The following SLC14A2 variants were observed in gnomAD, a reference collection of about 807,000 sequenced individuals.
The protein encoded by SLC14A2 is solute carrier family 14 member 2.
Under a neutral mutation model 104.6 loss-of-function variants are expected in SLC14A2, and 91 were observed. That is an observed-to-expected ratio of 0.87 (90% CI 0.73 to 1.04). The LOEUF (loss-of-function observed/expected upper bound fraction) is 1.04. SLC14A2 is among the 50% of genes least tolerant of loss of function. The pLI is 0.00. For synonymous variants in SLC14A2, 476 were observed against 466.4 expected, an observed-to-expected ratio of 1.02 and a Z score of -0.27; for missense variants, 1,189 against 1,156.0, an observed-to-expected ratio of 1.03 and a Z score of -0.41.
intron 1 of SLC14A2, among the ~76,000 whole-genome samples, chr18:45,226,266 C>A (rs1419964676): frequency 1.3e-5 from 2 of 152,136 alleles, no homozygotes; most frequent in Non-Finnish European, 2.9e-5. Context: ...TGTGGTGATT[C>A]CTCAAGGATC....
chr18:45,261,983 A>G (rs2144100805), intron 1 of SLC14A2, among the ~76,000 whole-genome samples: 1 of 152,296 alleles, frequency 6.6e-6, no homozygotes, highest in East Asian at 1.9e-4. Flanking sequence ...GAATCGCCCC[A>G]CTGACTTCCA....
At chr18:45,628,342 G>T (rs1333095904) in intron 4 of SLC14A2, among the ~76,000 whole-genome samples, 1 of 151,650 alleles carries the variant, frequency 6.6e-6, no homozygotes, top group Non-Finnish European at 1.5e-5. Context: ...TACTTGGGAG[G>T]CTGAGGCAGG....
At chr18:45,428,185 C>T (rs1157281258) in intron 1 of SLC14A2, among the ~76,000 whole-genome samples, 2 of 152,132 alleles carry the variant, frequency 1.3e-5, no homozygotes, top group Admixed American at 1.3e-4. Flanking sequence ...GTCATTGAAC[C>T]CAAGGAGCCC....
At chr18:45,531,960 C>T (rs1444976918) in intron 2 of SLC14A2, among the ~76,000 whole-genome samples, 2 of 152,130 alleles carry the variant, frequency 1.3e-5, no homozygotes, top group Non-Finnish European at 2.9e-5. Context: ...AATAGGGAAT[C>T]CTTTCCCCAT....
Position 45,626,989 on chromosome 18 carries a change from G to C in SLC14A2, c.363G>C (p.Trp121Cys), listed in dbSNP as rs1430230566. 2.5e-6 allele frequency: 4 copies of C among 1,612,248 alleles called. No individual in the cohort carries two copies. The African/African-American group carries it at 4.0e-5, about 16-fold the overall frequency. ...ACCTTGCCCTCCAGTTCATAGACTG[G>C]GTCCTGAGAGGGACCGCTCAGGTGA... ...DKHLALQFID[W>C]VLRGTAQVMF... Residue 121 changes from tryptophan to cysteine, a missense_variant, in exon 4 of 20, where the codon TGG (tryptophan) becomes TGC (cysteine). Physicochemically the swap from Trp to Cys is radical, Grantham distance 215 (BLOSUM62 -2). Transcript: ENST00000255226.
chr18:45,338,692 A>AAC (rs1255022911), intron 1 of SLC14A2, among the ~76,000 whole-genome samples: 1 of 115,884 alleles, frequency 8.6e-6, no homozygotes, highest in Non-Finnish European at 2.1e-5. Context: ...CAAAAAAAAA[A>AAC]AAAAAAAAAA....
At chr18:45,641,178 T>C in intron 7 of SLC14A2, 31 bp from the exon 8 acceptor site, 1 of 1,609,532 alleles carries the variant, frequency 6.2e-7, no homozygotes, top group Non-Finnish European at 8.5e-7. Flanking sequence ...TGGCCCAGAA[T>C]CAGACAGAAA....
At chr18:45,645,453 T>C (rs1568311979) in intron 10 of SLC14A2, among the ~76,000 whole-genome samples, 2 of 151,888 alleles carry the variant, frequency 1.3e-5, no homozygotes, top group African/African-American at 4.8e-5. Context: ...GCTTGGGAAA[T>C]TTACTTCATT....
At chr18:45,559,155 A>G (rs1364490381) in intron 2 of SLC14A2, among the ~76,000 whole-genome samples, 2 of 152,132 alleles carry the variant, frequency 1.3e-5, no homozygotes, top group African/African-American at 4.8e-5. Context: ...GCTAAACTCA[A>G]TCAGTTCTCT....
intron 1 of SLC14A2, among the ~76,000 whole-genome samples, chr18:45,400,994 G>T (rs537379773): frequency 5.9e-5 from 9 of 152,254 alleles, no homozygotes; most frequent in African/African-American, 1.9e-4. Flanking sequence ...TCTGTAGTCA[G>T]CCATTTCCCA....
rs60728655 is a variant in SLC14A2 at position 45,618,669 on chromosome 18, C to CAAAA, written c.-35+3113_-35+3116dup. Among the ~76,000 whole-genome samples, 104 of 50,586 alleles carry CAAAA rather than the reference C, an allele frequency of 2.1e-3. 1 individual carries two copies. The highest frequency in any genetic ancestry group is 2.6e-3 in the Non-Finnish European group (68 of 26,608). 33.2% of individuals were successfully genotyped at this position (50,586 alleles called of 152,430 possible). ...GGGTGACAAGAGCGAAACTCTGTCT[C>CAAAA]AAAAAAAAAAAAAAAAAAAAAAAAA... On this transcript the variant is annotated intron_variant, in intron 1 of 19. Coordinates refer to ENST00000255226, the MANE Select transcript of SLC14A2 (RefSeq NM_007163.4).
At chr18:45,412,988 T>C (rs1262810422) in intron 1 of SLC14A2, among the ~76,000 whole-genome samples, 1 of 152,220 alleles carries the variant, frequency 6.6e-6, no homozygotes, top group Non-Finnish European at 1.5e-5. Context: ...TTTCAAAGAA[T>C]CTGGTTTCTT....
At chr18:45,402,427 T>C (rs1008862303) in intron 1 of SLC14A2, among the ~76,000 whole-genome samples, 2 of 152,264 alleles carry the variant, frequency 1.3e-5, no homozygotes, top group African/African-American at 4.8e-5. Flanking sequence ...TCATTATTAC[T>C]CTACATCTTT....
the SLC14A2 span, among the ~76,000 whole-genome samples, chr18:45,176,945 A>T: frequency 1.3e-5 from 2 of 152,200 alleles, no homozygotes; most frequent in Non-Finnish European, 2.9e-5. Flanking sequence ...CTGCCTTTTG[A>T]CATTTCTACT....
At chr18:45,348,511 A>G (rs910379431) in intron 1 of SLC14A2, among the ~76,000 whole-genome samples, 3 of 152,136 alleles carry the variant, frequency 2.0e-5, no homozygotes, top group Non-Finnish European at 4.4e-5. Context: ...TCTAGCTCAA[A>G]TATCCTATGG....
chr18:45,224,043 A>G (rs2084089684), intron 1 of SLC14A2, among the ~76,000 whole-genome samples: 1 of 152,176 alleles, frequency 6.6e-6, no homozygotes. Context: ...TGGCCTCAAG[A>G]GAGTAATTTA....
intron 1 of SLC14A2, among the ~76,000 whole-genome samples, chr18:45,277,826 A>G (rs1458822298): frequency 6.6e-6 from 1 of 152,254 alleles, no homozygotes; most frequent in Non-Finnish European, 1.5e-5. Flanking sequence ...TGCAGAGAAC[A>G]AAAAGTTTCT....
chr18:45,458,217 A>G (rs937630621), intron 1 of SLC14A2, among the ~76,000 whole-genome samples: 1 of 152,180 alleles, frequency 6.6e-6, no homozygotes, highest in African/African-American at 2.4e-5. Context: ...GGGCAGCACA[A>G]AGGAGCTTTC....
intron 16 of SLC14A2, among the ~76,000 whole-genome samples, chr18:45,671,850 A>G (rs988982063): frequency 2.0e-5 from 3 of 152,172 alleles, no homozygotes; most frequent in Non-Finnish European, 4.4e-5. Context: ...CTTCCTGCCC[A>G]TGGGCCTTGG....
Sources: allele counts gnomAD v4.1 joint callset (sites outside exome capture counted in the v4.1 genomes callset), GRCh38; gene constraint gnomAD v4.1.1; transcripts MANE v1.5; gene names NCBI Gene and HGNC (gene_info 2026-07-23, HGNC 2026-07-21).